ELF1: variants seen among roughly 807,000 people sequenced by gnomAD.
ELF1 encodes ETS-related transcription factor Elf-1.
ELF1 carries 24 observed loss-of-function variants against 59.9 expected under a neutral mutation model. The observed-to-expected ratio is 0.40, with a 90% CI of 0.29 to 0.56. The LOEUF is 0.56. Among genes scored for constraint, ELF1 ranks in the 20% least tolerant of loss-of-function variants. The probability of loss-of-function intolerance (pLI) is 0.44; values close to 1 mark genes in which losing one functional copy is unlikely to be tolerated. For synonymous variants in ELF1, 248 were observed against 266.2 expected (o/e 0.93, Z 0.67); for missense variants, 627 against 742.2 (o/e 0.84, Z 1.80).
intron 2 of ELF1, among the ~76,000 whole-genome samples, chr13:40,973,191 G>A (rs1387256677): frequency 2.0e-5 from 3 of 152,048 alleles, no homozygotes; most frequent in South Asian, 2.1e-4. Flanking sequence ...TTTAATCTTC[G>A]CATCATCCTG....
chr13:40,988,459 A>G (rs1263137802), intron 1 of ELF1, among the ~76,000 whole-genome samples: 2 of 152,164 alleles, frequency 1.3e-5, no homozygotes, highest in Admixed American at 6.5e-5. Flanking sequence ...CTAGACAAAT[A>G]CCTAGCAAAA....
chr13:40,968,042 A>G (rs1872290816), intron 2 of ELF1, among the ~76,000 whole-genome samples: 1 of 152,220 alleles, frequency 6.6e-6, no homozygotes, highest in Non-Finnish European at 1.5e-5. Flanking sequence ...ATCCACACTT[A>G]GCAACAACAT....
intron 2 of ELF1, among the ~76,000 whole-genome samples, chr13:40,966,128 C>A (rs901291881): frequency 6.6e-6 from 1 of 152,174 alleles, no homozygotes; most frequent in African/African-American, 2.4e-5. Context: ...AGATTATTTT[C>A]CCCTTTGGTT....
intron 1 of ELF1, among the ~76,000 whole-genome samples, chr13:40,990,670 C>T (rs1207149320): frequency 4.0e-5 from 6 of 151,846 alleles, no homozygotes; most frequent in Non-Finnish European, 8.8e-5. Flanking sequence ...GCCTGGGCAA[C>T]ATAGTGAAAT....
intron 1 of ELF1, among the ~76,000 whole-genome samples, chr13:41,038,104 G>A (rs557202469): frequency 6.7e-6 from 1 of 148,548 alleles, no homozygotes; most frequent in African/African-American, 2.5e-5. Flanking sequence ...GGAGGAATAT[G>A]CCACAAATTA....
intron 1 of ELF1, among the ~76,000 whole-genome samples, chr13:40,990,098 C>T (rs1481836519): frequency 6.6e-6 from 1 of 152,060 alleles, no homozygotes; most frequent in Non-Finnish European, 1.5e-5. Context: ...CAAAACCAAA[C>T]ACATTATTTA....
chr13:40,940,929 C>A lies in ELF1; in HGVS notation c.1248G>T (p.Gln416His), dbSNP rs201784200. Residue 416 changes from glutamine to histidine, a missense_variant, in exon 8 of 9, where the codon CAG (glutamine) becomes CAT (histidine). This residue lies in a region of ELF1 where 361 missense variants were observed against 396.1 expected (regional missense o/e 0.91). Transcript: ENST00000239882. The part of the protein sequence containing the change: ...MQDETLNSSV[Q>H]SIRTIQAPTQ... ...TAGTTTGGTTTTCTCACCTAATACT[C>A]TGAACGGAAGAATTTAATGTTTCAT... 2.6e-5 allele frequency: 42 copies of A among 1,611,556 alleles called. No homozygotes were observed. The East Asian group carries it at 8.9e-4, about 34-fold the overall frequency.
At chr13:41,047,679 G>A (rs531927465) in intron 1 of ELF1, among the ~76,000 whole-genome samples, 3 of 152,220 alleles carry the variant, frequency 2.0e-5, no homozygotes, top group Non-Finnish European at 4.4e-5. Flanking sequence ...TGAGGTGTCA[G>A]TCTGCCCCTA....
At chr13:41,020,436 T>C (rs146843474), upstream of ELF1, among the ~76,000 whole-genome samples, 629 of 152,316 alleles carry the variant, frequency 4.1e-3, 5 homozygotes, top group African/African-American at 0.014. Flanking sequence ...AGTTAATTAG[T>C]TGGGAGTTTA....
chr13:40,948,194 G>A (rs1305813563), intron 5 of ELF1, among the ~76,000 whole-genome samples: 1 of 152,176 alleles, frequency 6.6e-6, no homozygotes, highest in Non-Finnish European at 1.5e-5. Flanking sequence ...AATATTTAAT[G>A]TACACTTAAC....
intron 1 of ELF1, among the ~76,000 whole-genome samples, chr13:41,006,200 A>AT (rs1874747532): frequency 7.1e-6 from 1 of 141,824 alleles, no homozygotes; most frequent in African/African-American, 2.5e-5. Flanking sequence ...AACCAGAAGG[A>AT]TCTTGCTCAT....
At chr13:40,977,965 G>A (rs774896022) in intron 2 of ELF1, among the ~76,000 whole-genome samples, 12 of 152,188 alleles carry the variant, frequency 7.9e-5, no homozygotes, top group Non-Finnish European at 5.9e-5. Flanking sequence ...TTCAATAAAT[G>A]GTGAAGGGCT....
At chr13:40,955,971 G>T (rs1425508836) in intron 3 of ELF1, among the ~76,000 whole-genome samples, 3 of 138,718 alleles carry the variant, frequency 2.2e-5, no homozygotes, top group African/African-American at 8.0e-5. Flanking sequence ...CCCCCGCCCG[G>T]CCAGCCGCCC....
chr13:41,047,318 C>A (rs1220873860), intron 1 of ELF1, among the ~76,000 whole-genome samples: 1 of 152,202 alleles, frequency 6.6e-6, no homozygotes, highest in Non-Finnish European at 1.5e-5. Context: ...CCGTTGCTGG[C>A]GAGGAGCTGC....
intron 3 of ELF1, among the ~76,000 whole-genome samples, chr13:40,952,206 T>C (rs1303157698): frequency 1.3e-5 from 2 of 152,214 alleles, no homozygotes; most frequent in African/African-American, 4.8e-5. Context: ...TAACATGTTT[T>C]TCTATACCCC....
At chr13:40,951,615 T>A in intron 3 of ELF1, 179 bp from the exon 4 acceptor site, 1 of 407,496 alleles carries the variant, frequency 2.5e-6, no homozygotes, top group Non-Finnish European at 4.2e-6. Context: ...CTCATTCCTG[T>A]AATCCCGCAC....
At chr13:40,989,287 T>A (rs1295113918) in intron 1 of ELF1, among the ~76,000 whole-genome samples, 1 of 152,126 alleles carries the variant, frequency 6.6e-6, no homozygotes, top group Non-Finnish European at 1.5e-5. Flanking sequence ...ACACACAAAG[T>A]TGAAGGGAAA....
chr13:41,018,711 G>C (rs1465391409), intron 1 of ELF1, among the ~76,000 whole-genome samples: 2 of 151,878 alleles, frequency 1.3e-5, no homozygotes, highest in Non-Finnish European at 1.5e-5. Flanking sequence ...AAAAAACAGA[G>C]AGGGAGAAAA....
rs761186414 is a variant in ELF1 at position 40,933,024 on chromosome 13, C to T, written c.*401G>A. On this transcript the variant is annotated 3_prime_UTR_variant, in exon 9 of 9. Transcript: ENST00000239882. The stretch of plus-strand genomic sequence containing the variant: ...TTTTTTGCATTTGAAAGAGTCAAGA[C>T]TTAACTTACACAAGTGGAATGAAAA... 1.2e-5 allele frequency: 2 copies of T among 171,268 alleles called. No individual in the cohort carries two copies. Among genetic ancestry groups the T allele is most frequent in the African/African-American group, 2.4e-5 (1 of 41,614 alleles). 10.6% of individuals were successfully genotyped at this position (171,268 alleles called of 1,614,324 possible).
Sources: allele counts gnomAD v4.1 joint callset (sites outside exome capture counted in the v4.1 genomes callset), GRCh38; gene constraint gnomAD v4.1.1; regional missense constraint gnomAD v4.1.1; transcripts MANE v1.5; gene names NCBI Gene and HGNC (gene_info 2026-07-23, HGNC 2026-07-21).